OLA1: variants seen among roughly 807,000 people sequenced by gnomAD.
OLA1 encodes Obg like ATPase 1.
A neutral mutation model predicts 48.4 loss-of-function variants in OLA1; 14 were observed. That is an observed-to-expected ratio of 0.29 (90% confidence interval 0.19 to 0.45). OLA1 has a LOEUF of 0.45. OLA1 is among the 20% of genes least tolerant of loss of function. The probability of loss-of-function intolerance (pLI) is 1.00; values close to 1 mark genes in which losing one functional copy is unlikely to be tolerated. For synonymous variants in OLA1, 127 were observed against 150.4 expected (o/e 0.84, Z 1.14); for missense variants, 325 against 467.1 (o/e 0.70, Z 2.80).
intron 4 of OLA1, among the ~76,000 whole-genome samples, chr2:174,145,915 T>C (rs2105384218): frequency 6.6e-6 from 1 of 152,282 alleles, no homozygotes; most frequent in African/African-American, 2.4e-5. Flanking sequence ...AATAGGGCAA[T>C]ATGATAGAGC....
chr2:174,216,908 A>C (rs2105445781), intron 4 of OLA1, among the ~76,000 whole-genome samples: 1 of 152,314 alleles, frequency 6.6e-6, no homozygotes, highest in South Asian at 2.1e-4. Context: ...ATAGAATATA[A>C]ATATATAACA....
chr2:174,092,565 G>A lies in OLA1; in HGVS notation c.729-10501C>T, dbSNP rs533937314. Among the ~76,000 whole-genome samples, 12 of 152,180 alleles carry A rather than the reference G, an allele frequency of 7.9e-5. No individual in the cohort carries two copies. The East Asian group carries it at 1.7e-3, about 22-fold the overall frequency. On this transcript the variant is annotated intron_variant, in intron 7 of 10. Transcript: ENST00000284719. ...TAGTCCCAGCTACTAGGGAGGCTGA[G>A]GTGGGAGGATCACCTGAGCCCAGGA...
intron 7 of OLA1, among the ~76,000 whole-genome samples, chr2:174,096,747 A>G (rs923266824): frequency 6.6e-6 from 1 of 152,228 alleles, no homozygotes; most frequent in Non-Finnish European, 1.5e-5. Context: ...AGGCCTGCAC[A>G]CAGTAGCCCC....
At chr2:174,149,155 C>G (rs1000349873) in intron 4 of OLA1, among the ~76,000 whole-genome samples, 1 of 152,188 alleles carries the variant, frequency 6.6e-6, no homozygotes, top group African/African-American at 2.4e-5. Flanking sequence ...ACCAAGCTAA[C>G]AAACTGATCT....
intron 2 of OLA1, among the ~76,000 whole-genome samples, chr2:174,232,493 C>T (rs558137354): frequency 1.3e-5 from 2 of 152,048 alleles, no homozygotes; most frequent in Admixed American, 6.5e-5. Context: ...CTACTTCCAT[C>T]GGAGAAGAAG....
chr2:174,225,884 T>C (rs1426827697), intron 3 of OLA1, among the ~76,000 whole-genome samples: 4 of 152,170 alleles, frequency 2.6e-5, no homozygotes, highest in Non-Finnish European at 5.9e-5. Context: ...AGCTCTGAGA[T>C]TCTATTTTCT....
intron 5 of OLA1, among the ~76,000 whole-genome samples, chr2:174,135,160 CAAAAAAAAA>C (rs71405180): frequency 4.0e-4 from 34 of 86,008 alleles, no homozygotes; most frequent in African/African-American, 1.5e-3. Context: ...ACTCCGCCTC[CAAAAAAAAA>C]AAAAAAAAAA....
chr2:174,135,654 G>A (rs1469888020), intron 5 of OLA1, among the ~76,000 whole-genome samples: 2 of 152,086 alleles, frequency 1.3e-5, no homozygotes, highest in African/African-American at 4.8e-5. Flanking sequence ...AGATTATGAG[G>A]ACTGAGAGTT....
chr2:174,214,629 C>G (rs1301255427), intron 4 of OLA1, among the ~76,000 whole-genome samples: 1 of 152,190 alleles, frequency 6.6e-6, no homozygotes. Flanking sequence ...AAAAATTTAA[C>G]AAACACAAGA....
intron 7 of OLA1, among the ~76,000 whole-genome samples, chr2:174,106,623 C>A (rs1480636224): frequency 6.6e-6 from 1 of 151,970 alleles, no homozygotes; most frequent in Non-Finnish European, 1.5e-5. Context: ...GAAGTTCAGC[C>A]GTTTGTGAAG....
In OLA1 at chr2:174,110,338, G is replaced by A. The variant is rs1159880318; in HGVS notation, c.728+12842C>T. Among the ~76,000 whole-genome samples the A allele has an allele frequency of 2.2e-5, 3 of 134,362 alleles. No homozygotes were observed. In the Admixed American group the frequency reaches 2.4e-4, roughly 11 times the overall value. 88.1% of individuals were successfully genotyped at this position (134,362 alleles called of 152,430 possible). A position where few individuals can be genotyped will look rare whatever the true frequency, so the allele number is the denominator to read the frequency against. ...TTTTTTTTTTTGTATTTTTAGTAGA[G>A]ACGAGTTTTCAACATGTTGCCCAGG... On this transcript the variant is annotated intron_variant, in intron 7 of 10. Coordinates refer to ENST00000284719, the MANE Select transcript of OLA1 (RefSeq NM_013341.5).
At chr2:174,169,538 C>T (rs571512790) in intron 4 of OLA1, among the ~76,000 whole-genome samples, 182 of 152,182 alleles carry the variant, frequency 1.2e-3, no homozygotes, top group African/African-American at 4.2e-3. Flanking sequence ...TTAAACAGAC[C>T]TGTCAACCAA....
chr2:174,238,712 T>G (rs1688922653), intron 2 of OLA1, among the ~76,000 whole-genome samples: 1 of 152,112 alleles, frequency 6.6e-6, no homozygotes, highest in Non-Finnish European at 1.5e-5. Context: ...ATTCTACTTC[T>G]AAATATATAC....
At chr2:174,170,172 G>T (rs1687262575) in intron 4 of OLA1, among the ~76,000 whole-genome samples, 1 of 152,152 alleles carries the variant, frequency 6.6e-6, no homozygotes, top group East Asian at 1.9e-4. Context: ...GGCGGAACTT[G>T]CAGTGAGCCG....
At position 174,149,070 on chromosome 2, in the gene OLA1, AGCTGTCTACATGTGCTCTCTCC is replaced by A. The variant is rs1558977343; in HGVS notation, c.374-7092_374-7071del. Among the ~76,000 whole-genome samples, 7 of 147,078 alleles carry A rather than the reference AGCTGTCTACATGTGCTCTCTCC, an allele frequency of 4.8e-5. No individual in the cohort carries two copies. In the South Asian group the frequency reaches 1.5e-3, roughly 32 times the overall value. On this transcript the variant is annotated intron_variant, in intron 4 of 10. Transcript: ENST00000284719. ...AGTTCAGAGCCAAGCTTCTTGAAGG[AGCTGTCTACATGTGCTCTCTCC>A]ACTTTTTCCGCCTATTTACAACTCA...
intron 4 of OLA1, among the ~76,000 whole-genome samples, chr2:174,162,537 T>C (rs1231753040): frequency 1.3e-5 from 2 of 152,222 alleles, no homozygotes; most frequent in African/African-American, 2.4e-5. Context: ...TAGTACAAAA[T>C]TGAATATTCA....
chr2:174,141,025 G>A (rs775312632), intron 5 of OLA1, among the ~76,000 whole-genome samples: 3 of 151,958 alleles, frequency 2.0e-5, no homozygotes, highest in Non-Finnish European at 4.4e-5. Flanking sequence ...TCCGCCTCCC[G>A]GGTTCAAGCA....
At chr2:174,098,993 T>C (rs1558952768) in intron 7 of OLA1, among the ~76,000 whole-genome samples, 1 of 152,122 alleles carries the variant, frequency 6.6e-6, no homozygotes, top group African/African-American at 2.4e-5. Flanking sequence ...GTCCGTTGTA[T>C]AGACAAAGCA....
At chr2:174,108,867 C>T (rs979339956) in intron 7 of OLA1, among the ~76,000 whole-genome samples, 6 of 152,286 alleles carry the variant, frequency 3.9e-5, no homozygotes, top group Non-Finnish European at 7.4e-5. Flanking sequence ...AACAGTTCAA[C>T]AATTATTTGC....
Sources: allele counts gnomAD v4.1 joint callset (sites outside exome capture counted in the v4.1 genomes callset), GRCh38; gene constraint gnomAD v4.1.1; transcripts MANE v1.5; gene names NCBI Gene and HGNC (gene_info 2026-07-23, HGNC 2026-07-21).